Variants in SCTR observed in about 807,000 individuals in gnomAD.
SCTR encodes the protein pancreatic secretin receptor.
Under a neutral mutation model 60.8 loss-of-function variants are expected in SCTR, and 56 were observed. The observed-to-expected ratio is 0.92, with a 90% CI of 0.74 to 1.15. SCTR has a LOEUF of 1.15. Ranked by LOEUF, SCTR falls within the 50% of genes most tolerant of loss-of-function variation. The pLI is 0.00. For missense variants in SCTR, 562 were observed against 550.4 expected (o/e 1.02, Z -0.21); for synonymous variants, 202 against 217.0 (o/e 0.93, Z 0.61).
At chr2:119,508,696 AT>A (rs982236613) in intron 1 of SCTR, among the ~76,000 whole-genome samples, 3 of 151,072 alleles carry the variant, frequency 2.0e-5, no homozygotes, top group South Asian at 2.1e-4. Flanking sequence ...GCCTAAATTA[AT>A]TTTTTTCATT....
At position 119,473,553 on chromosome 2, in the gene SCTR, G is replaced by A. The variant is rs1268178640; in HGVS notation, c.305C>T (p.Ser102Phe). ...ATCCTGTGTGCAGTTTCGGAACAAGGAACCTGTGGGTGCCAAGAGTCCTGT... is the reference window on the plus strand; with the variant it reads ...ATCCTGTGTGCAGTTTCGGAACAAGAAACCTGTGGGTGCCAAGAGTCCTGT... ...FLRMLTSRNG[S>F]LFRNCTQDGW... is the part of the protein sequence containing the mutation. Residue 102 changes from serine (S) to phenylalanine (F), a missense_variant, in exon 4 of 13, where the codon TCC becomes TTC. Coordinates refer to ENST00000019103, the MANE Select transcript of SCTR (RefSeq NM_002980.3). The A allele has an allele frequency of 6.2e-7, 1 of 1,611,066 alleles. No individual in the cohort carries two copies. Among genetic ancestry groups the A allele is most frequent in the South Asian group, 1.1e-5 (1 of 91,010 alleles).
chr2:119,481,034 T>A (rs958661211), intron 2 of SCTR, among the ~76,000 whole-genome samples: 1 of 152,196 alleles, frequency 6.6e-6, no homozygotes. Flanking sequence ...AAAGCCCAAC[T>A]GAAAAGCCTG....
chr2:119,442,311 C>T (rs1682685419), intron 11 of SCTR, among the ~76,000 whole-genome samples: 1 of 152,208 alleles, frequency 6.6e-6, no homozygotes, highest in South Asian at 2.1e-4. Context: ...CTGCTTGGAG[C>T]CTAAGAGGCC....
chr2:119,507,522 G>A (rs1054842519), intron 1 of SCTR, among the ~76,000 whole-genome samples: 1 of 152,252 alleles, frequency 6.6e-6, no homozygotes, highest in East Asian at 1.9e-4. Flanking sequence ...CACTAGTAAG[G>A]TAGGCTGGGG....
chr2:119,484,073 TG>T (rs1232183305), intron 2 of SCTR, among the ~76,000 whole-genome samples: 4 of 152,172 alleles, frequency 2.6e-5, no homozygotes, highest in Admixed American at 2.6e-4. Flanking sequence ...AGGGTCATCC[TG>T]GGCAGTTTTA....
rs552836941 is a variant in SCTR at position 119,453,269 on chromosome 2, C to T, written c.851+18G>A. 5 of 1,575,592 alleles carry T rather than the reference C, an allele frequency of 3.2e-6. No homozygotes were observed. The highest frequency in any genetic ancestry group is 1.3e-5 in the African/African-American group (1 of 74,174). ...CGATGTCAGATACATTCTTGTTATCCTCCTTCCGTTAGCTTACCCAACATC... is the reference window on the plus strand; with the variant it reads ...CGATGTCAGATACATTCTTGTTATCTTCCTTCCGTTAGCTTACCCAACATC... On this transcript the variant is annotated intron_variant, in intron 8 of 12. Coordinates refer to ENST00000019103, the MANE Select transcript of SCTR (RefSeq NM_002980.3).
intron 2 of SCTR, among the ~76,000 whole-genome samples, chr2:119,493,326 G>C (rs377378306): frequency 8.5e-5 from 13 of 152,158 alleles, no homozygotes; most frequent in African/African-American, 3.1e-4. Context: ...GGCATTAGGG[G>C]TGTTTCCACT....
intron 1 of SCTR, among the ~76,000 whole-genome samples, chr2:119,512,359 C>G (rs1573926050): frequency 7.8e-6 from 1 of 127,464 alleles, no homozygotes; most frequent in East Asian, 2.2e-4. Context: ...TTCTCCTTCT[C>G]CTTCTCCTTC....
intron 12 of SCTR, among the ~76,000 whole-genome samples, chr2:119,441,260 G>A (rs1365806606): frequency 2.6e-5 from 4 of 152,202 alleles, no homozygotes; most frequent in South Asian, 4.1e-4. Flanking sequence ...GATCAACATC[G>A]GCACCAGGAA....
chr2:119,505,269 TG>T (rs1183975947), intron 1 of SCTR, among the ~76,000 whole-genome samples: 1 of 135,396 alleles, frequency 7.4e-6, no homozygotes, highest in Non-Finnish European at 1.5e-5. Flanking sequence ...AGCAAAGACT[TG>T]GAACCAACCC....
intron 4 of SCTR, among the ~76,000 whole-genome samples, chr2:119,470,393 C>T (rs1377510128): frequency 1.3e-5 from 2 of 152,130 alleles, no homozygotes; most frequent in African/African-American, 4.8e-5. Context: ...GAACAAAACT[C>T]GTGCCAATTT....
chr2:119,445,739 T>C (rs1361177504), intron 11 of SCTR, among the ~76,000 whole-genome samples: 7 of 152,228 alleles, frequency 4.6e-5, no homozygotes, highest in Non-Finnish European at 1.0e-4. Flanking sequence ...GGCCGTTAGT[T>C]TGATTTTGTC....
intron 2 of SCTR, among the ~76,000 whole-genome samples, chr2:119,489,919 G>A (rs1260862164): frequency 4.6e-5 from 7 of 152,154 alleles, no homozygotes; most frequent in Admixed American, 3.9e-4. Context: ...CCGTGTAAAC[G>A]AAAGTTCACC....
chr2:119,481,009 C>T (rs114209624), intron 2 of SCTR, among the ~76,000 whole-genome samples: 2,861 of 152,354 alleles, frequency 0.019, 35 homozygotes, highest in South Asian at 0.054. Context: ...CTGAGGCTAT[C>T]CAGAGGAAGA....
chr2:119,493,689 T>A (rs1678226336), intron 2 of SCTR, among the ~76,000 whole-genome samples: 1 of 149,102 alleles, frequency 6.7e-6, no homozygotes, highest in South Asian at 2.1e-4. Context: ...TTGCCCAGGC[T>A]GGAGTGCAAT....
At chr2:119,507,833 C>T (rs1678796108) in intron 1 of SCTR, among the ~76,000 whole-genome samples, 1 of 151,886 alleles carries the variant, frequency 6.6e-6, no homozygotes, top group Non-Finnish European at 1.5e-5. Context: ...CACCAGCCAC[C>T]ACGCCCAACT....
At chr2:119,505,631 G>A (rs556413742) in intron 1 of SCTR, among the ~76,000 whole-genome samples, 12 of 150,692 alleles carry the variant, frequency 8.0e-5, no homozygotes, top group South Asian at 2.1e-4. Flanking sequence ...CCGCATGTTC[G>A]CACTCATAGG....
At chr2:119,511,055 T>C (rs748460166) in intron 1 of SCTR, among the ~76,000 whole-genome samples, 2 of 151,748 alleles carry the variant, frequency 1.3e-5, no homozygotes, top group African/African-American at 2.4e-5. Flanking sequence ...AAAAAAAAAT[T>C]AGCCAGGCGT....
In SCTR at chr2:119,506,596, T is replaced by A. The variant is rs1214198189; in HGVS notation, c.73-12048A>T. On this transcript the variant is annotated intron_variant, in intron 1 of 12. Transcript: ENST00000019103. ...CCCCAGGCTCAAGAATCCTCCTGCC[T>A]TAGCTTCCTGCACAGGTAGGGCTAC... 2.6e-5 allele frequency among the ~76,000 whole-genome samples: 4 copies of A among 152,220 alleles called. No individual in the cohort carries two copies. In the East Asian group the frequency reaches 5.8e-4, roughly 22 times the overall value.
Sources: allele counts gnomAD v4.1 joint callset (sites outside exome capture counted in the v4.1 genomes callset), GRCh38; gene constraint gnomAD v4.1.1; transcripts MANE v1.5; gene names NCBI Gene and HGNC (gene_info 2026-07-23, HGNC 2026-07-21).